ZDHHC21: variants seen among roughly 807,000 people sequenced by gnomAD.
ZDHHC21 encodes the protein palmitoyltransferase ZDHHC21.
In ZDHHC21, 15 loss-of-function variants were observed where a neutral mutation model predicts 34.6. The ratio of observed to expected loss-of-function variants is 0.43; its 90% CI spans 0.29 to 0.67. The LOEUF (loss-of-function observed/expected upper bound fraction) is 0.67, where lower values mean the gene tolerates loss of function less well. Among genes scored for constraint, ZDHHC21 ranks in the 30% least tolerant of loss-of-function variants. The pLI, the probability that ZDHHC21 is intolerant of heterozygous loss-of-function variation, is 0.14. For missense variants in ZDHHC21, 344 were observed against 327.7 expected, an observed-to-expected ratio of 1.05 and a Z score of -0.38; for synonymous variants, 142 against 101.8, an observed-to-expected ratio of 1.40 and a Z score of -2.38.
intron 2 of ZDHHC21, among the ~76,000 whole-genome samples, chr9:14,688,950 G>A (rs986659198): frequency 6.6e-6 from 1 of 152,098 alleles, no homozygotes; most frequent in Non-Finnish European, 1.5e-5. Context: ...AGGCTGAAGT[G>A]GGAGGATCGC....
intron 7 of ZDHHC21, among the ~76,000 whole-genome samples, chr9:14,650,936 T>G (rs1831135637): frequency 6.6e-6 from 1 of 151,852 alleles, no homozygotes; most frequent in African/African-American, 2.4e-5. Flanking sequence ...CCCCTTCACA[T>G]AAAAATAAGT....
intron 3 of ZDHHC21, among the ~76,000 whole-genome samples, chr9:14,675,997 T>G (rs974791484): frequency 2.8e-4 from 42 of 152,108 alleles, no homozygotes; most frequent in African/African-American, 9.6e-4. Flanking sequence ...CTAAGAAATA[T>G]GGGCCTATAT....
At chr9:14,593,359 T>C in the ZDHHC21 span, among the ~76,000 whole-genome samples, 8 of 152,318 alleles carry the variant, frequency 5.3e-5, no homozygotes, top group East Asian at 1.2e-3. Flanking sequence ...GGGACTATTA[T>C]GAACAACTTT....
rs560411862 is a variant in ZDHHC21 at position 14,679,457 on chromosome 9, G to T, written c.-46+576C>A. On this transcript the variant is annotated intron_variant, in intron 3 of 9. Coordinates refer to ENST00000380916, the MANE Select transcript of ZDHHC21 (RefSeq NM_178566.6). ...CATTTTTGTTAGAAAAAATATGCAG[G>T]TATGTGCATAAGTAATTTCTGCACA... Among the ~76,000 whole-genome samples, 6 of 152,216 alleles carry T rather than the reference G, an allele frequency of 3.9e-5. No homozygotes were observed. In the South Asian group the frequency reaches 6.2e-4, roughly 16 times the overall value.
Position 14,672,896 on chromosome 9 carries a change from C to T in ZDHHC21, c.187G>A (p.Ala63Thr), listed in dbSNP as rs1411404954. 1 of 1,605,318 alleles carries T rather than the reference C, an allele frequency of 6.2e-7. No individual in the cohort carries two copies. Among genetic ancestry groups the T allele is most frequent in the Non-Finnish European group, 8.5e-7 (1 of 1,174,482 alleles). Residue 63 changes from alanine to threonine, a missense_variant, in exon 5 of 10, where the codon GCC becomes ACC. Transcript: ENST00000380916. ...TCAGTTATGGAGGCCCTCACTAAGGCAACCAGACAGAATATGGAAATGCCA... is the reference window on the plus strand; with the variant it reads ...TCAGTTATGGAGGCCCTCACTAAGGTAACCAGACAGAATATGGAAATGCCA... Reference protein sequence around the residue: ...FYGISIFCLVALVRASITDPG... With the variant: ...FYGISIFCLVTLVRASITDPG...
rs1823567068 is a variant in ZDHHC21, at chr9:14,612,921, C to A, written c.*6045G>T. 6.6e-6 allele frequency: 1 copy of A among 150,512 alleles called. No individual in the cohort carries two copies. 9.3% of individuals were successfully genotyped at this position (150,512 alleles called of 1,614,324 possible). A position where few individuals can be genotyped will look rare whatever the true frequency, so the allele number is the denominator to read the frequency against. On this transcript the variant is annotated 3_prime_UTR_variant, in exon 10 of 10. Coordinates refer to ENST00000380916, the MANE Select transcript of ZDHHC21 (RefSeq NM_178566.6). ...GTAATGAGAACGAACCTTAACTCTT[C>A]ATCTTAGTATTTTGTTTCAGTATTC... is the stretch of plus-strand genomic sequence containing the variant.
intron 3 of ZDHHC21, among the ~76,000 whole-genome samples, chr9:14,679,035 G>A (rs1434484538): frequency 6.6e-6 from 1 of 152,040 alleles, no homozygotes; most frequent in Non-Finnish European, 1.5e-5. Flanking sequence ...TCTCTGTGGT[G>A]CTAACAAGCA....
At chr9:14,639,434 C>T (rs936400756) in intron 8 of ZDHHC21, among the ~76,000 whole-genome samples, 1 of 151,988 alleles carries the variant, frequency 6.6e-6, no homozygotes, top group Non-Finnish European at 1.5e-5. Flanking sequence ...AGTTATAATG[C>T]TCAGTAGCAC....
chr9:14,620,129 C>T (rs1038406461), intron 8 of ZDHHC21, among the ~76,000 whole-genome samples: 2 of 151,972 alleles, frequency 1.3e-5, no homozygotes, highest in African/African-American at 4.8e-5. Context: ...CTGTAAACAA[C>T]AACAAAACTC....
intron 7 of ZDHHC21, among the ~76,000 whole-genome samples, chr9:14,641,303 T>C (rs1264767876): frequency 6.6e-6 from 1 of 152,174 alleles, no homozygotes; most frequent in Non-Finnish European, 1.5e-5. Flanking sequence ...AGGTAAATAT[T>C]AGGCAATCAT....
chr9:14,673,212 TAATA>T (rs1424475464), intron 4 of ZDHHC21, among the ~76,000 whole-genome samples: 5 of 152,018 alleles, frequency 3.3e-5, no homozygotes, highest in African/African-American at 4.8e-5. Flanking sequence ...GACTTCCTAT[TAATA>T]ATGGCATAAA....
chr9:14,632,779 T>A (rs1827584273), intron 8 of ZDHHC21, among the ~76,000 whole-genome samples: 1 of 152,008 alleles, frequency 6.6e-6, no homozygotes, highest in African/African-American at 2.4e-5. Context: ...AATTAAAACA[T>A]GGTCAAAGGA....
intron 8 of ZDHHC21, among the ~76,000 whole-genome samples, chr9:14,620,072 T>C (rs541691614): frequency 6.6e-5 from 10 of 152,152 alleles, no homozygotes; most frequent in African/African-American, 2.4e-4. Context: ...AAGAAACTAA[T>C]GAACAGAAAA....
At chr9:14,652,920 A>G (rs1471365381) in intron 7 of ZDHHC21, among the ~76,000 whole-genome samples, 1 of 151,950 alleles carries the variant, frequency 6.6e-6, no homozygotes, top group Non-Finnish European at 1.5e-5. Flanking sequence ...GAATTTAAAG[A>G]TGGGCTAGAA....
At chr9:14,680,524 C>A (rs1041882454) in intron 2 of ZDHHC21, among the ~76,000 whole-genome samples, 10 of 152,064 alleles carry the variant, frequency 6.6e-5, no homozygotes, top group Non-Finnish European at 1.5e-4. Flanking sequence ...AATCACAGTT[C>A]ATAAACAGCT....
intron 5 of ZDHHC21, among the ~76,000 whole-genome samples, chr9:14,667,398 C>T (rs1834655925): frequency 3.3e-5 from 5 of 152,166 alleles, no homozygotes; most frequent in Admixed American, 1.3e-4. Context: ...CAGATGGATT[C>T]ACAGCCAAAT....
chr9:14,596,986 C>T, the ZDHHC21 span, among the ~76,000 whole-genome samples: 6 of 152,198 alleles, frequency 3.9e-5, no homozygotes, highest in South Asian at 2.1e-4. Context: ...TTTCCAGTGC[C>T]GGGAAAAGGT....
At chr9:14,681,186 T>G (rs1257714686) in intron 2 of ZDHHC21, among the ~76,000 whole-genome samples, 1 of 152,176 alleles carries the variant, frequency 6.6e-6, no homozygotes, top group African/African-American at 2.4e-5. Context: ...ATATTTACCC[T>G]TACTACATAT....
chr9:14,674,142 A>G, intron 4 of ZDHHC21, 45 bp downstream of exon 4: 1 of 1,380,522 alleles, frequency 7.2e-7, no homozygotes, highest in Non-Finnish European at 9.6e-7. Context: ...AACGTTTACA[A>G]TGAGAAAAAT....
Sources: allele counts gnomAD v4.1 joint callset (sites outside exome capture counted in the v4.1 genomes callset), GRCh38; gene constraint gnomAD v4.1.1; transcripts MANE v1.5; gene names NCBI Gene and HGNC (gene_info 2026-07-23, HGNC 2026-07-21).